MARK3: variants seen among roughly 807,000 people sequenced by gnomAD.
The protein encoded by MARK3 is microtubule affinity regulating kinase 3.
MARK3 carries 46 observed loss-of-function variants against 90.1 expected under a neutral mutation model. That is an observed-to-expected ratio of 0.51 (90% CI 0.40 to 0.65). MARK3 has a LOEUF of 0.65. Among genes scored for constraint, MARK3 ranks in the 30% least tolerant of loss-of-function variants. MARK3 has a pLI of 0.00. For synonymous variants in MARK3, 321 were observed against 332.6 expected, an observed-to-expected ratio of 0.97 and a Z score of 0.38; for missense variants, 818 against 947.2, an observed-to-expected ratio of 0.86 and a Z score of 1.79.
At chr14:103,410,177 T>G (rs1320572806) in intron 2 of MARK3, among the ~76,000 whole-genome samples, 6 of 152,148 alleles carry the variant, frequency 3.9e-5, no homozygotes, top group African/African-American at 1.2e-4. Flanking sequence ...GATAAGAAAT[T>G]TATTTCTTAC....
At chr14:103,462,341 G>A in intron 6 of MARK3, 64 bp from the exon 7 acceptor site, 1 of 1,212,896 alleles carries the variant, frequency 8.2e-7, no homozygotes, top group Non-Finnish European at 1.2e-6. Context: ...CATTAACAAA[G>A]TTATTTTCAT....
At chr14:103,402,994 G>T (rs985576371) in intron 1 of MARK3, among the ~76,000 whole-genome samples, 8 of 152,158 alleles carry the variant, frequency 5.3e-5, no homozygotes, top group Middle Eastern at 3.4e-3. Flanking sequence ...GGCTTACAGA[G>T]AATTATAATC....
At chr14:103,399,561 C>T (rs560440842) in intron 1 of MARK3, among the ~76,000 whole-genome samples, 28 of 151,792 alleles carry the variant, frequency 1.8e-4, no homozygotes, top group South Asian at 6.2e-4. Context: ...TAGCCGGGCA[C>T]GGTGGCGGGT....
chr14:103,500,366 C>T (rs2075594281), intron 17 of MARK3, among the ~76,000 whole-genome samples, 166 bp downstream of exon 17: 1 of 152,224 alleles, frequency 6.6e-6, no homozygotes, highest in African/African-American at 2.4e-5. Flanking sequence ...GAGCACCGTC[C>T]AGATCCAGCT....
intron 12 of MARK3, among the ~76,000 whole-genome samples, chr14:103,470,453 C>CAATTTTTTTTTTTTTTTTTTTTTTTTTTT (rs1299534465): frequency 8.3e-5 from 2 of 24,184 alleles, no homozygotes; most frequent in Non-Finnish European, 1.7e-4. Flanking sequence ...GGAACTAAAT[C>CAATTTTTTTTTTTTTTTTTTTTTTTTTTT]TATTTTTTTT....
chr14:103,390,494 G>A (rs1171117529), intron 1 of MARK3, among the ~76,000 whole-genome samples: 1 of 151,982 alleles, frequency 6.6e-6, no homozygotes, highest in African/African-American at 2.4e-5. Flanking sequence ...GATCAGGGGT[G>A]TCCAATCTTT....
At chr14:103,499,811 G>A (rs1463174177) in intron 16 of MARK3, 5 of 261,368 alleles carry the variant, frequency 1.9e-5, no homozygotes, top group African/African-American at 4.5e-5. Context: ...TTCTGAGGCC[G>A]AGTGTGCTCA....
At chr14:103,440,900 C>T (rs1220843634) in intron 3 of MARK3, among the ~76,000 whole-genome samples, 3 of 145,486 alleles carry the variant, frequency 2.1e-5, no homozygotes, top group African/African-American at 7.7e-5. Flanking sequence ...TGCACCACTG[C>T]ACTCCAGCCA....
At chr14:103,456,654 C>T (rs999668634) in intron 5 of MARK3, among the ~76,000 whole-genome samples, 11 of 152,334 alleles carry the variant, frequency 7.2e-5, no homozygotes, top group African/African-American at 2.6e-4. Flanking sequence ...AGAATGTAAA[C>T]TCTATGAGGA....
At chr14:103,493,874 CAAAAAA>C (rs539464779) in intron 15 of MARK3, among the ~76,000 whole-genome samples, 1 of 87,594 alleles carries the variant, frequency 1.1e-5, no homozygotes, top group South Asian at 3.8e-4. Context: ...GACTGTGTCT[CAAAAAA>C]AAAAAAAAAA....
At chr14:103,455,091 T>C (rs1175471727) in intron 5 of MARK3, among the ~76,000 whole-genome samples, 1 of 152,226 alleles carries the variant, frequency 6.6e-6, no homozygotes. Context: ...GTGTGACATA[T>C]GGTTCCACAA....
At chr14:103,439,004 AAAG>A (rs1390155442) in intron 3 of MARK3, among the ~76,000 whole-genome samples, 2 of 151,880 alleles carry the variant, frequency 1.3e-5, no homozygotes, top group Non-Finnish European at 2.9e-5. Flanking sequence ...AAAAAAAAAA[AAAG>A]CACACACATT....
intron 6 of MARK3, among the ~76,000 whole-genome samples, chr14:103,459,439 G>A (rs187345756): frequency 3.4e-4 from 52 of 152,222 alleles, no homozygotes; most frequent in Non-Finnish European, 7.1e-4. Context: ...AGCTCCATTA[G>A]ACTTGGAAGG....
chr14:103,477,385 G>A (rs1393742060), intron 13 of MARK3, among the ~76,000 whole-genome samples: 13 of 152,110 alleles, frequency 8.5e-5, no homozygotes, highest in African/African-American at 1.4e-4. Context: ...CTAGCTATTC[G>A]GGAGGCTGAG....
At chr14:103,481,708 A>G (rs2093821868) in intron 14 of MARK3, among the ~76,000 whole-genome samples, 1 of 145,842 alleles carries the variant, frequency 6.9e-6, no homozygotes, top group Non-Finnish European at 1.5e-5. Flanking sequence ...GAACTTGAGT[A>G]TAGCAGCTGG....
rs546951113 is a variant in MARK3 at position 103,485,718 on chromosome 14, G to C, written c.1586+5228G>C. Among the ~76,000 whole-genome samples, 4 of 152,196 alleles carry C rather than the reference G, an allele frequency of 2.6e-5. No homozygotes were observed. In the East Asian group the frequency reaches 7.7e-4, roughly 29 times the overall value. On this transcript the variant is annotated intron_variant, in intron 14 of 17. Transcript: ENST00000429436. ...AGTGCCTATCCTTTAGTAACCTTAA[G>C]TGGATTAATGTTTTAGAAAAGATAG...
chr14:103,427,834 T>C (rs2092460950), intron 2 of MARK3, among the ~76,000 whole-genome samples: 1 of 152,164 alleles, frequency 6.6e-6, no homozygotes, highest in African/African-American at 2.4e-5. Flanking sequence ...ATCTTGGTTT[T>C]GGTGGGTTTT....
rs137860446 is a variant in MARK3 at position 103,455,398 on chromosome 14, C to T, written c.413-1744C>T. Among the ~76,000 whole-genome samples, 46 of 152,252 alleles carry T rather than the reference C, an allele frequency of 3.0e-4. No homozygotes were observed. In the East Asian group the frequency reaches 6.6e-3, roughly 22 times the overall value. On this transcript the variant is annotated intron_variant, in intron 5 of 17. Transcript: ENST00000429436. ...TTCATCATAGTTAAGTGAATTGTGTCGTGTAAACTTGACAGTATGTAATGC... is the reference window on the plus strand; with the variant it reads ...TTCATCATAGTTAAGTGAATTGTGTTGTGTAAACTTGACAGTATGTAATGC...
rs569621651 is a variant in MARK3 at position 103,428,327 on chromosome 14, A to G, written c.244-60A>G. On this transcript the variant is annotated intron_variant, in intron 2 of 17. Coordinates refer to ENST00000429436, the MANE Select transcript of MARK3 (RefSeq NM_001128918.3). ...GCTTCTTAATGCCATATATCTTGGC[A>G]TTTATCAGTCCATAATTACTAAATT... 5.0e-5 allele frequency: 45 copies of G among 895,468 alleles called. No individual in the cohort carries two copies. The South Asian group carries it at 7.4e-4, about 15-fold the overall frequency. The allele number at this position is 895,468 out of a possible 1,614,324, so 55.5% of individuals were successfully genotyped here.
Sources: gnomAD v4.1 joint callset for allele counts (sites outside exome capture counted in the v4.1 genomes callset) on GRCh38, gnomAD v4.1.1 for gene constraint, MANE v1.5 for transcripts, NCBI Gene and HGNC (gene_info 2026-07-23, HGNC 2026-07-21) for gene names.